The following PCDHGA1 variants were observed in gnomAD, a reference collection of about 807,000 sequenced individuals.
The protein encoded by PCDHGA1 is protocadherin gamma-A1.
PCDHGA1 carries 32 observed loss-of-function variants against 58.0 expected under a neutral mutation model. The observed-to-expected ratio is 0.55, with a 90% CI of 0.42 to 0.74. The LOEUF is 0.74. PCDHGA1 is among the 30% of genes least tolerant of loss of function. The probability of loss-of-function intolerance (pLI) is 0.00; values close to 1 mark genes in which losing one functional copy is unlikely to be tolerated. For synonymous variants in PCDHGA1, 498 were observed against 501.1 expected, an observed-to-expected ratio of 0.99 and a Z score of 0.08; for missense variants, 1,205 against 1,182.3, an observed-to-expected ratio of 1.02 and a Z score of -0.28.
chr5:141,425,576 G>A (rs2096883993), intron 1 of PCDHGA1, among the ~76,000 whole-genome samples: 1 of 152,166 alleles, frequency 6.6e-6, no homozygotes, highest in Non-Finnish European at 1.5e-5. Flanking sequence ...GAAGGGTTTG[G>A]CTAACTTTAT....
intron 1 of PCDHGA1, among the ~76,000 whole-genome samples, chr5:141,369,231 A>T (rs1421250665): frequency 1.3e-5 from 2 of 152,188 alleles, no homozygotes; most frequent in Non-Finnish European, 2.9e-5. Context: ...GGACAGGAAG[A>T]TTACTTATAT....
chr5:141,383,800 A>C, intron 1 of PCDHGA1: 1 of 1,614,000 alleles, frequency 6.2e-7, no homozygotes, highest in Non-Finnish European at 8.5e-7. Flanking sequence ...TACAGGAGAA[A>C]TATCAACTTT....
At chr5:141,370,009 A>G (rs1310003326) in intron 1 of PCDHGA1, among the ~76,000 whole-genome samples, 1 of 152,282 alleles carries the variant, frequency 6.6e-6, no homozygotes, top group Non-Finnish European at 1.5e-5. Flanking sequence ...ATTAAAAGAA[A>G]TAACAGACTA....
rs138542775 is a variant in PCDHGA1, at chr5:141,491,313, C to T, written c.2422-3494C>T. ...ACCCTCCTGAGCGTTCAGACCTTAC[C>T]CTTTACCTCATTGTGGCTCTAGCGA... On this transcript the variant is annotated intron_variant, in intron 1 of 3. Transcript: ENST00000517417. This position sits in a 1 kb window ranked among gnomAD's most constrained non-coding sequence, Gnocchi z 6.9. 405 of 1,614,154 alleles carry T rather than the reference C, an allele frequency of 2.5e-4. 2 individuals are homozygous for T. In the African/African-American group the frequency reaches 4.5e-3, roughly 18 times the overall value.
chr5:141,408,326 G>A, intron 1 of PCDHGA1: 6 of 1,613,904 alleles, frequency 3.7e-6, no homozygotes, highest in Non-Finnish European at 4.2e-6. Context: ...GGAGGAGCTG[G>A]CCAAGGGCTC....
At position 141,491,413 on chromosome 5, in the gene PCDHGA1, G is replaced by A. The variant is rs1193417991; in HGVS notation, c.2422-3394G>A. 5.6e-6 allele frequency: 9 copies of A among 1,613,946 alleles called. No individual in the cohort carries two copies. Among genetic ancestry groups the A allele is most frequent in the Non-Finnish European group, 7.6e-6 (9 of 1,179,986 alleles). On this transcript the variant is annotated intron_variant, in intron 1 of 3. Transcript: ENST00000517417. The surrounding 1 kb of genome is among the most constrained non-coding windows in gnomAD (Gnocchi z 6.9). Reference sequence around the variant, plus strand: ...CCTTCAGGGAAACGCAGACGGGGACGGGGGTGGAGGGCAGTGCTGCAGGCG... The same window carrying A: ...CCTTCAGGGAAACGCAGACGGGGACAGGGGTGGAGGGCAGTGCTGCAGGCG...
intron 1 of PCDHGA1, chr5:141,376,580 C>G (rs1351878933): frequency 1.3e-6 from 2 of 1,589,974 alleles, no homozygotes; most frequent in South Asian, 1.1e-5. Flanking sequence ...ACAGGCTCAT[C>G]AGCTAGATCG....
At chr5:141,371,062 G>GGGTAA (rs757228720) in intron 1 of PCDHGA1, 2 of 1,613,974 alleles carry the variant, frequency 1.2e-6, no homozygotes, top group South Asian at 2.2e-5. Flanking sequence ...CCCTCCAGAA[G>GGGTAA]CTGTACCACC....
chr5:141,343,856 G>C (rs1588456766), intron 1 of PCDHGA1: 1 of 548,316 alleles, frequency 1.8e-6, no homozygotes. Flanking sequence ...AAAATGCAAA[G>C]AACCAGCAAA....
intron 1 of PCDHGA1, chr5:141,423,700 G>A (rs753612385): frequency 7.5e-7 from 1 of 1,324,816 alleles, no homozygotes; most frequent in Non-Finnish European, 9.8e-7. Context: ...TTGGTGTCTT[G>A]GCACAAGTCT....
intron 1 of PCDHGA1, among the ~76,000 whole-genome samples, chr5:141,405,825 A>G (rs184785482): frequency 1.1e-3 from 172 of 152,272 alleles, no homozygotes; most frequent in Non-Finnish European, 1.9e-3. Context: ...TCTGTACTTA[A>G]GGTAGTATAA....
chr5:141,397,816 A>G (rs1403683863), intron 1 of PCDHGA1, among the ~76,000 whole-genome samples: 2 of 152,230 alleles, frequency 1.3e-5, no homozygotes, highest in African/African-American at 4.8e-5. Context: ...CACAAAAACA[A>G]TTACTGCACT....
Position 141,505,463 on chromosome 5 carries a change from A to G in PCDHGA1, c.2551A>G (p.Ile851Val). 1 of 1,614,184 alleles carries G rather than the reference A, an allele frequency of 6.2e-7. No homozygotes were observed. Among genetic ancestry groups the G allele is most frequent in the East Asian group, 2.2e-5 (1 of 44,876 alleles). Residue 851 changes from isoleucine to valine, a missense_variant, in exon 3 of 4, where the codon ATC (isoleucine) becomes GTC (valine). Ile to Val is a conservative substitution (Grantham distance 29). Transcript: ENST00000517417. Reference protein sequence around the residue: ...QFDTEMLQAMILASASEAADG... With the variant: ...QFDTEMLQAMVLASASEAADG... ...TGACACAGAGATGCTGCAAGCCATG[A>G]TCTTGGCGTCCGCCAGTGGTAAGTG...
chr5:141,332,392 G>C lies in PCDHGA1; in HGVS notation c.1708G>C (p.Asp570His). ...PEILYPALPT[D>H]GSTGVELAPL... is the part of the protein sequence containing the mutation. ...GATCCTGTACCCCGCCCTCCCCACA[G>C]ATGGTTCTACCGGCGTGGAGCTGGC... The change falls in exon 1 of 4, where the codon GAT becomes CAT. Residue 570 changes from aspartate to histidine, a missense_variant. Physicochemically the swap from Asp to His is moderately conservative, Grantham distance 81 (BLOSUM62 -1). Transcript: ENST00000517417. This position sits in a 1 kb window ranked among gnomAD's most constrained non-coding sequence, Gnocchi z 4.6. 2 of 1,614,216 alleles carry C rather than the reference G, an allele frequency of 1.2e-6. No individual in the cohort carries two copies. Among genetic ancestry groups the C allele is most frequent in the Non-Finnish European group, 1.7e-6 (2 of 1,180,046 alleles).
At position 141,382,739 on chromosome 5, in the gene PCDHGA1, G is replaced by A. The variant is rs1005950630; in HGVS notation, c.2421+49634G>A. 8.7e-6 allele frequency: 5 copies of A among 573,776 alleles called. No homozygotes were observed. The African/African-American group carries it at 9.3e-5, about 11-fold the overall frequency. The allele number at this position is 573,776 out of a possible 1,614,324, so 35.5% of individuals were successfully genotyped here. On this transcript the variant is annotated intron_variant, in intron 1 of 3. Coordinates refer to ENST00000517417, the MANE Select transcript of PCDHGA1 (RefSeq NM_018912.3). ...ACCGAGTTTTACAGCACAGAGAAACGACAGATTGCGATAAGCCCTCTTCCA... is the reference window on the plus strand; with the variant it reads ...ACCGAGTTTTACAGCACAGAGAAACAACAGATTGCGATAAGCCCTCTTCCA...
chr5:141,398,857 C>T (rs749773693), intron 1 of PCDHGA1: 15 of 1,613,800 alleles, frequency 9.3e-6, no homozygotes, highest in African/African-American at 1.3e-5. Flanking sequence ...GGTATTCAAC[C>T]GAGACGTGTA....
intron 1 of PCDHGA1, 154 bp downstream of exon 1, chr5:141,333,259 A>C (rs532395483): frequency 6.7e-6 from 7 of 1,051,228 alleles, no homozygotes; most frequent in African/African-American, 4.8e-5. Flanking sequence ...TTGAGTCTAC[A>C]CGTTCATATG....
intron 1 of PCDHGA1, among the ~76,000 whole-genome samples, chr5:141,348,573 T>C (rs1163428594): frequency 6.6e-6 from 1 of 152,218 alleles, no homozygotes. Context: ...AGCCTACATA[T>C]GTGTCATGAA....
At chr5:141,464,056 G>C (rs2154568334) in intron 1 of PCDHGA1, among the ~76,000 whole-genome samples, 1 of 152,210 alleles carries the variant, frequency 6.6e-6, no homozygotes, top group East Asian at 1.9e-4. Context: ...CCTGAGGTCA[G>C]GAGTTCAAGG....
Sources: allele counts gnomAD v4.1 joint callset (sites outside exome capture counted in the v4.1 genomes callset), GRCh38; gene constraint gnomAD v4.1.1; non-coding constraint Gnocchi (gnomAD v3.1); transcripts MANE v1.5; gene names NCBI Gene and HGNC (gene_info 2026-07-23, HGNC 2026-07-21).